The following PITPNC1 variants were observed in gnomAD, a reference collection of about 807,000 sequenced individuals.
PITPNC1 encodes the protein cytoplasmic phosphatidylinositol transfer protein 1.
A neutral mutation model predicts 44.7 loss-of-function variants in PITPNC1; 18 were observed. The observed-to-expected ratio is 0.40, with a 90% CI of 0.28 to 0.60. The LOEUF is 0.60. PITPNC1 is among the 20% of genes least tolerant of loss of function. PITPNC1 has a pLI of 0.39. For synonymous variants in PITPNC1, 141 were observed against 149.6 expected (o/e 0.94, Z 0.42); for missense variants, 290 against 418.4 (o/e 0.69, Z 2.68).
At chr17:67,444,021 T>C (rs1249760686) in intron 1 of PITPNC1, among the ~76,000 whole-genome samples, 2 of 152,014 alleles carry the variant, frequency 1.3e-5, no homozygotes, top group Non-Finnish European at 2.9e-5. Context: ...TATTTTCAGA[T>C]TTTTTACTAT....
At chr17:67,469,904 A>T (rs2039490669) in intron 1 of PITPNC1, among the ~76,000 whole-genome samples, 1 of 152,102 alleles carries the variant, frequency 6.6e-6, no homozygotes, top group Non-Finnish European at 1.5e-5. Flanking sequence ...TATAATATAT[A>T]TATGTGTGTG....
intron 2 of PITPNC1, among the ~76,000 whole-genome samples, chr17:67,538,960 CTTTTT>C (rs903205321): frequency 6.7e-6 from 1 of 149,132 alleles, no homozygotes; most frequent in Admixed American, 6.7e-5. Flanking sequence ...CTTATAGATC[CTTTTT>C]TTTTAATTTG....
At chr17:67,521,866 T>C (rs1373930213) in intron 1 of PITPNC1, among the ~76,000 whole-genome samples, 1 of 152,196 alleles carries the variant, frequency 6.6e-6, no homozygotes, top group East Asian at 1.9e-4. Context: ...TGTGTTCTCA[T>C]TGAGACCGGA....
intron 6 of PITPNC1, among the ~76,000 whole-genome samples, chr17:67,661,867 G>A (rs369499703): frequency 7.9e-5 from 12 of 151,916 alleles, no homozygotes; most frequent in Non-Finnish European, 1.6e-4. Context: ...GTGGTGGCAC[G>A]CACCTGTCAT....
At chr17:67,656,117 G>A (rs932101374) in intron 6 of PITPNC1, among the ~76,000 whole-genome samples, 1 of 152,160 alleles carries the variant, frequency 6.6e-6, no homozygotes. Context: ...GATCTTGACT[G>A]TACATTCAGG....
At chr17:67,464,603 A>T (rs1176325853) in intron 1 of PITPNC1, among the ~76,000 whole-genome samples, 1 of 152,236 alleles carries the variant, frequency 6.6e-6, no homozygotes, top group Non-Finnish European at 1.5e-5. Context: ...TGAGTTCAAC[A>T]TCTGAAATAC....
At chr17:67,509,054 T>G (rs1466140051) in intron 1 of PITPNC1, among the ~76,000 whole-genome samples, 1 of 151,032 alleles carries the variant, frequency 6.6e-6, no homozygotes, top group Non-Finnish European at 1.5e-5. Flanking sequence ...ACCAACATGG[T>G]GAAACTCCGT....
At chr17:67,426,549 G>C (rs764726991) in intron 1 of PITPNC1, among the ~76,000 whole-genome samples, 4 of 149,922 alleles carry the variant, frequency 2.7e-5, no homozygotes, top group Non-Finnish European at 5.9e-5. Flanking sequence ...ATAAGTGGGA[G>C]TTGAACAATG....
rs909195320 is a variant in PITPNC1 at position 67,497,826 on chromosome 17, C to T, written c.49-34976C>T. 2.7e-5 allele frequency among the ~76,000 whole-genome samples: 4 copies of T among 150,744 alleles called. No homozygotes were observed. The East Asian group carries it at 7.8e-4, about 30-fold the overall frequency. The stretch of plus-strand genomic sequence containing the variant: ...TACAAGCGTGAGCCACCATGCCCAG[C>T]CTGTTTAGGTTTTTGTGCACTTGTG... On this transcript the variant is annotated intron_variant, in intron 1 of 8. Coordinates refer to ENST00000581322, the MANE Select transcript of PITPNC1 (RefSeq NM_012417.4).
chr17:67,471,898 T>C (rs1312991020), intron 1 of PITPNC1, among the ~76,000 whole-genome samples: 1 of 152,100 alleles, frequency 6.6e-6, no homozygotes, highest in African/African-American at 2.4e-5. Context: ...ACTTAATTAT[T>C]ATATCATAAT....
At chr17:67,379,163 C>T (rs555659666) in intron 1 of PITPNC1, 9 of 985,866 alleles carry the variant, frequency 9.1e-6, no homozygotes, top group Non-Finnish European at 1.1e-5. Flanking sequence ...CAAAGCCAAG[C>T]AAGGCAACGT....
chr17:67,667,550 A>G (rs2042442121), intron 6 of PITPNC1, among the ~76,000 whole-genome samples: 1 of 151,530 alleles, frequency 6.6e-6, no homozygotes, highest in African/African-American at 2.4e-5. Flanking sequence ...AAGCATAATT[A>G]CTGGGTTTTA....
chr17:67,675,290 A>G (rs2042582215), intron 7 of PITPNC1, among the ~76,000 whole-genome samples, 189 bp from the exon 8 acceptor site: 1 of 152,170 alleles, frequency 6.6e-6, no homozygotes, highest in African/African-American at 2.4e-5. Context: ...GTGTGTGTAC[A>G]CCATGGGGAA....
chr17:67,648,045 T>C (rs1402987711), intron 6 of PITPNC1, among the ~76,000 whole-genome samples: 1 of 152,208 alleles, frequency 6.6e-6, no homozygotes, highest in Non-Finnish European at 1.5e-5. Context: ...AGTGGAAATA[T>C]TTTATTGTCT....
chr17:67,551,677 A>T (rs1473224154), intron 2 of PITPNC1, among the ~76,000 whole-genome samples: 4 of 152,178 alleles, frequency 2.6e-5, no homozygotes, highest in Admixed American at 6.5e-5. Context: ...GCCTATTTTC[A>T]AATCAGGTCA....
chr17:67,572,468 CG>C (rs34297453), intron 4 of PITPNC1, among the ~76,000 whole-genome samples: 12,557 of 48,836 alleles, frequency 0.26, 889 homozygotes, highest in East Asian at 0.34. Context: ...CTGGGTAAAG[CG>C]GGGGGGGGGG....
At chr17:67,499,293 C>G (rs771328519) in intron 1 of PITPNC1, among the ~76,000 whole-genome samples, 2 of 152,208 alleles carry the variant, frequency 1.3e-5, no homozygotes, top group Non-Finnish European at 2.9e-5. Flanking sequence ...CAGCTCACTG[C>G]AACCTTCACC....
At chr17:67,476,648 ATT>A (rs1223889688) in intron 1 of PITPNC1, among the ~76,000 whole-genome samples, 1 of 151,848 alleles carries the variant, frequency 6.6e-6, no homozygotes, top group Non-Finnish European at 1.5e-5. Flanking sequence ...TTATTTTTTA[ATT>A]TTTGTTTATT....
At chr17:67,402,089 A>T (rs932669052) in intron 1 of PITPNC1, among the ~76,000 whole-genome samples, 2 of 152,220 alleles carry the variant, frequency 1.3e-5, no homozygotes, top group Non-Finnish European at 2.9e-5. Context: ...GCAAGCCGTA[A>T]GGTCTCTGTT....
Sources: allele counts gnomAD v4.1 joint callset (sites outside exome capture counted in the v4.1 genomes callset), GRCh38; gene constraint gnomAD v4.1.1; transcripts MANE v1.5; gene names NCBI Gene and HGNC (gene_info 2026-07-23, HGNC 2026-07-21).